Variants in NINL observed in about 807,000 individuals in gnomAD.
The protein encoded by NINL is ninein-like protein.
In NINL, 153 loss-of-function variants were observed where a neutral mutation model predicts 160.3. The ratio of observed to expected loss-of-function variants is 0.95; its 90% CI spans 0.84 to 1.09. The LOEUF is 1.09. Ranked by LOEUF, NINL falls within the 50% of genes least tolerant of loss-of-function variation. The pLI is 0.00. For synonymous variants in NINL, 800 were observed against 734.8 expected, an observed-to-expected ratio of 1.09 and a Z score of -1.43; for missense variants, 1,829 against 1,764.0, an observed-to-expected ratio of 1.04 and a Z score of -0.66.
intron 1 of NINL, among the ~76,000 whole-genome samples, chr20:25,531,601 G>T (rs1408136845): frequency 6.6e-6 from 1 of 152,104 alleles, no homozygotes; most frequent in Admixed American, 6.6e-5. Context: ...CTCCGTTTGG[G>T]GTCCCTGACT....
At position 25,512,846 on chromosome 20, in the gene NINL, C is replaced by T. The variant is rs1179700535; in HGVS notation, c.438G>A (p.Leu146=). The T allele has an allele frequency of 1.9e-6, 3 of 1,613,234 alleles. No homozygotes were observed. The highest frequency in any genetic ancestry group is 2.5e-6 in the Non-Finnish European group (3 of 1,179,476). Residue 146 remains leucine, a synonymous_variant, in exon 4 of 24, where the codon CTG becomes CTA. Coordinates refer to ENST00000278886, the MANE Select transcript of NINL (RefSeq NM_025176.6). ...LKSHLWRSAS[L]ESVESPKSDE... is the part of the protein sequence containing the mutation. ...GGGCCTGACCCACCTCCACGCTCTC[C>T]AGAGACGCTGAGCGCCAGAGGTGAC...
chr20:25,494,864 C>A (rs1387789353), intron 10 of NINL, among the ~76,000 whole-genome samples: 3 of 152,232 alleles, frequency 2.0e-5, no homozygotes, highest in Non-Finnish European at 1.5e-5. Context: ...ACCTGAGGCT[C>A]TTGCTCCCCA....
At chr20:25,565,443 A>C (rs1195670975) in intron 1 of NINL, among the ~76,000 whole-genome samples, 1 of 152,134 alleles carries the variant, frequency 6.6e-6, no homozygotes, top group Non-Finnish European at 1.5e-5. Context: ...GGAGGAAGAC[A>C]GGCAGGCAGG....
intron 13 of NINL, among the ~76,000 whole-genome samples, chr20:25,488,744 C>G (rs960110830): frequency 2.6e-5 from 4 of 151,850 alleles, no homozygotes; most frequent in African/African-American, 9.7e-5. Flanking sequence ...TTTATGTTAA[C>G]CTGTTATTAC....
At chr20:25,487,226 A>C (rs1008800251) in intron 13 of NINL, among the ~76,000 whole-genome samples, 1 of 152,216 alleles carries the variant, frequency 6.6e-6, no homozygotes, top group Non-Finnish European at 1.5e-5. Flanking sequence ...TTATTATTAA[A>C]GCTAACTTGC....
At chr20:25,462,717 C>T (rs1327348732) in intron 19 of NINL, 176 bp from the exon 20 acceptor site, 1 of 570,776 alleles carries the variant, frequency 1.8e-6, no homozygotes, top group Middle Eastern at 4.9e-4. Context: ...TGCGGTGGCA[C>T]ATTCATGGTT....
intron 1 of NINL, among the ~76,000 whole-genome samples, chr20:25,578,016 G>A (rs1218229300): frequency 6.6e-6 from 1 of 151,320 alleles, no homozygotes; most frequent in Non-Finnish European, 1.5e-5. Context: ...ATTTTTAGTA[G>A]AGATGGGGTT....
chr20:25,464,972 G>T (rs57956383), intron 19 of NINL, among the ~76,000 whole-genome samples: 2 of 152,154 alleles, frequency 1.3e-5, no homozygotes, highest in African/African-American at 2.4e-5. Flanking sequence ...TGGCGTTCAC[G>T]CTGGCCACCT....
At chr20:25,500,222 C>T (rs569662968) in intron 8 of NINL, among the ~76,000 whole-genome samples, 1 of 152,332 alleles carries the variant, frequency 6.6e-6, no homozygotes, top group East Asian at 1.9e-4. Context: ...CAGGGCAGAG[C>T]TCCTTCCAAA....
intron 1 of NINL, among the ~76,000 whole-genome samples, chr20:25,580,500 T>C (rs1173046640): frequency 6.6e-6 from 1 of 152,152 alleles, no homozygotes; most frequent in African/African-American, 2.4e-5. Context: ...AGGGAGACTA[T>C]ACAGCAGTCT....
At position 25,458,866 on chromosome 20, in the gene NINL, C is replaced by G. The variant is rs45602439; in HGVS notation, c.3697-337G>C. 1,287 of 280,604 alleles carry G rather than the reference C, an allele frequency of 4.6e-3. 15 individuals are homozygous for G. The highest frequency in any genetic ancestry group is 0.015 in the Middle Eastern group (16 of 1,050). The allele number at this position is 280,604 out of a possible 1,614,324, so 17.4% of individuals were successfully genotyped here. ...GGGCCTGATTCTTTTCAAACAACGACCACGCCAGTTCTCCTTTCAGCGGAG... is the reference window on the plus strand; with the variant it reads ...GGGCCTGATTCTTTTCAAACAACGAGCACGCCAGTTCTCCTTTCAGCGGAG... On this transcript the variant is annotated intron_variant, in intron 21 of 23. Coordinates refer to ENST00000278886, the MANE Select transcript of NINL (RefSeq NM_025176.6).
At chr20:25,577,657 C>T (rs534229237) in intron 1 of NINL, among the ~76,000 whole-genome samples, 4 of 152,124 alleles carry the variant, frequency 2.6e-5, no homozygotes, top group Non-Finnish European at 4.4e-5. Flanking sequence ...GGGTCTGACA[C>T]CACCCATGAC....
chr20:25,453,594 C>G lies in NINL; in HGVS notation c.4006G>C (p.Glu1336Gln), dbSNP rs370353125. 2.5e-6 allele frequency: 4 copies of G among 1,613,608 alleles called. No individual in the cohort carries two copies. In the African/African-American group the frequency reaches 5.3e-5, roughly 22 times the overall value. ...AGTGCTCTCACCAGGTGGGCGTTCT[C>G]CACGTACAGCTCCTTCAGCAGCAGG... ...SDLLLKELYVENAHLVRALQA... is the reference protein window; with the variant it reads ...SDLLLKELYVQNAHLVRALQA... The change falls in exon 24 of 24, where the codon GAG becomes CAG. Residue 1336 changes from glutamate to glutamine, a missense_variant. Glu to Gln is a conservative substitution (Grantham distance 29). Coordinates refer to ENST00000278886, the MANE Select transcript of NINL (RefSeq NM_025176.6).
intron 1 of NINL, among the ~76,000 whole-genome samples, chr20:25,548,152 C>A (rs952560147): frequency 6.6e-6 from 1 of 152,200 alleles, no homozygotes; most frequent in African/African-American, 2.4e-5. Context: ...CCACACAAGC[C>A]GGTCCAGTGC....
rs775362938 is a variant in NINL at position 25,512,816 on chromosome 20, G to T, written c.450+18C>A. ...TCCCAACACTGGGCAGCTGGGGTGG[G>T]AGAGGGGCCTGACCCACCTCCACGC... On this transcript the variant is annotated intron_variant, in intron 4 of 23. Coordinates refer to ENST00000278886, the MANE Select transcript of NINL (RefSeq NM_025176.6). The T allele has an allele frequency of 2.5e-6, 4 of 1,593,592 alleles. No individual in the cohort carries two copies. The highest frequency in any genetic ancestry group is 2.7e-5 in the African/African-American group (2 of 74,212).
chr20:25,495,684 G>C (rs1373817423), intron 10 of NINL, among the ~76,000 whole-genome samples: 3 of 152,188 alleles, frequency 2.0e-5, no homozygotes, highest in Non-Finnish European at 4.4e-5. Context: ...CCAGGCATGC[G>C]CAAACTTCAG....
chr20:25,579,860 C>T (rs941635157), intron 1 of NINL, among the ~76,000 whole-genome samples: 2 of 152,206 alleles, frequency 1.3e-5, no homozygotes, highest in African/African-American at 4.8e-5. Context: ...TTTTCCAACA[C>T]TAGTGGCTAA....
At chr20:25,509,989 G>A (rs6050656) in intron 5 of NINL, among the ~76,000 whole-genome samples, 9 of 152,308 alleles carry the variant, frequency 5.9e-5, no homozygotes, top group African/African-American at 2.2e-4. Flanking sequence ...CCAGAAATGC[G>A]GTGAGGGAGC....
At chr20:25,489,454 C>T (rs921408742) in intron 12 of NINL, 130 bp from the exon 13 acceptor site, 11 of 726,284 alleles carry the variant, frequency 1.5e-5, no homozygotes, top group East Asian at 2.6e-5. Context: ...CAGGTATAGC[C>T]GCCATCCCCC....
Sources: gnomAD v4.1 joint callset for allele counts (sites outside exome capture counted in the v4.1 genomes callset) on GRCh38, gnomAD v4.1.1 for gene constraint, MANE v1.5 for transcripts, NCBI Gene and HGNC (gene_info 2026-07-23, HGNC 2026-07-21) for gene names.